CDH18: variants seen among roughly 807,000 people sequenced by gnomAD.
The protein encoded by CDH18 is cadherin 18.
In CDH18, 31 loss-of-function variants were observed where a neutral mutation model predicts 67.9. The ratio of observed to expected loss-of-function variants is 0.46; its 90% CI spans 0.34 to 0.62. The LOEUF is 0.62. CDH18 is among the 20% of genes least tolerant of loss of function. CDH18 has a pLI of 0.01. For synonymous variants in CDH18, 362 were observed against 347.2 expected, an observed-to-expected ratio of 1.04 and a Z score of -0.48; for missense variants, 890 against 975.5, an observed-to-expected ratio of 0.91 and a Z score of 1.17.
intron 11 of CDH18, among the ~76,000 whole-genome samples, chr5:19,499,478 A>C: frequency 6.6e-6 from 1 of 152,160 alleles, no homozygotes; most frequent in Non-Finnish European, 1.5e-5. Context: ...TATATCATTA[A>C]ATTTCTACAT....
At chr5:20,523,601 C>T (rs12186433) in intron 1 of CDH18, among the ~76,000 whole-genome samples, 26,943 of 152,054 alleles carry the variant, frequency 0.18, 2,893 homozygotes, top group East Asian at 0.39. Context: ...AGTGCAATGA[C>T]GCGATCTCCA....
intron 3 of CDH18, among the ~76,000 whole-genome samples, chr5:19,824,307 A>G (rs1354068512): frequency 6.6e-6 from 1 of 152,196 alleles, no homozygotes; most frequent in Non-Finnish European, 1.5e-5. Flanking sequence ...TCAAGGCAGC[A>G]AAGTGACACA....
chr5:19,510,333 C>T (rs1480164974), intron 10 of CDH18, among the ~76,000 whole-genome samples: 1 of 152,094 alleles, frequency 6.6e-6, no homozygotes, highest in Non-Finnish European at 1.5e-5. Context: ...AGCACATACA[C>T]TGGTAATGAT....
chr5:19,937,634 A>C (rs544872387), intron 2 of CDH18, among the ~76,000 whole-genome samples: 1 of 151,490 alleles, frequency 6.6e-6, no homozygotes, highest in East Asian at 1.9e-4. Context: ...CAAAGAAAGT[A>C]TAACCGAACA....
intron 2 of CDH18, among the ~76,000 whole-genome samples, chr5:19,841,197 AT>A (rs1197205004): frequency 3.9e-5 from 6 of 152,192 alleles, no homozygotes; most frequent in Non-Finnish European, 8.8e-5. Flanking sequence ...CACTTTTATC[AT>A]TTGACAAATA....
chr5:19,928,076 C>T (rs1014464550), intron 2 of CDH18, among the ~76,000 whole-genome samples: 1 of 152,162 alleles, frequency 6.6e-6, no homozygotes, highest in African/African-American at 2.4e-5. Flanking sequence ...AGGGCTCCGT[C>T]CTGATTCATT....
chr5:20,366,848 T>C lies in CDH18; in HGVS notation c.-579-111343A>G, dbSNP rs542477785. Among the ~76,000 whole-genome samples the C allele has an allele frequency of 2.4e-4, 36 of 152,208 alleles. No homozygotes were observed. In the East Asian group the frequency reaches 3.3e-3, roughly 14 times the overall value. On this transcript the variant is annotated intron_variant, in intron 1 of 14. Transcript: ENST00000507958. Reference sequence around the variant, plus strand: ...ATGTAGTTTAGCAAGCTGGGCAGGATGGCTCCTCCTTCCCCCGGGATGATT... The same window carrying C: ...ATGTAGTTTAGCAAGCTGGGCAGGACGGCTCCTCCTTCCCCCGGGATGATT...
In CDH18 at chr5:19,838,997, C is replaced by T; in HGVS notation, c.-11G>A. The stretch of plus-strand genomic sequence containing the variant: ...GCTAGTAATTTTCATTGTAAGATAA[C>T]TTTCCAGTTCACAGTTTTCCTTCCT... On this transcript the variant is annotated 5_prime_UTR_variant, in exon 3 of 13. Coordinates refer to ENST00000382275, the MANE Select transcript of CDH18 (RefSeq NM_004934.5). The T allele has an allele frequency of 6.2e-7, 1 of 1,600,792 alleles. No homozygotes were observed. Among genetic ancestry groups the T allele is most frequent in the Non-Finnish European group, 8.6e-7 (1 of 1,168,090 alleles).
At chr5:20,373,264 G>A (rs567017116) in intron 1 of CDH18, among the ~76,000 whole-genome samples, 83 of 152,214 alleles carry the variant, frequency 5.5e-4, no homozygotes, top group African/African-American at 2.0e-3. Flanking sequence ...CTATGTCACA[G>A]ACCCTAACTC....
At chr5:20,450,591 A>G (rs1329747757) in intron 1 of CDH18, among the ~76,000 whole-genome samples, 2 of 152,158 alleles carry the variant, frequency 1.3e-5, no homozygotes, top group East Asian at 3.9e-4. Flanking sequence ...CCCACACCAC[A>G]CAGACACACA....
chr5:20,412,539 A>G (rs1746876453), intron 1 of CDH18, among the ~76,000 whole-genome samples: 3 of 152,250 alleles, frequency 2.0e-5, no homozygotes, highest in Non-Finnish European at 1.5e-5. Context: ...CTGCATAACA[A>G]GAGAAACAGT....
chr5:19,551,803 A>G (rs1254363461), intron 8 of CDH18, among the ~76,000 whole-genome samples: 2 of 152,212 alleles, frequency 1.3e-5, no homozygotes, highest in Non-Finnish European at 2.9e-5. Context: ...GAGTCTCTAT[A>G]TAAATAGCCA....
chr5:19,811,187 G>A (rs1458892200), intron 3 of CDH18, among the ~76,000 whole-genome samples: 1 of 148,448 alleles, frequency 6.7e-6, no homozygotes, highest in African/African-American at 2.5e-5. Flanking sequence ...AAGAAAGAGG[G>A]AGAGAAAGAA....
At chr5:19,723,517 T>C (rs1330448855) in intron 4 of CDH18, among the ~76,000 whole-genome samples, 2 of 152,192 alleles carry the variant, frequency 1.3e-5, no homozygotes, top group African/African-American at 2.4e-5. Flanking sequence ...ATGAGAGCTG[T>C]GTTATGTCTA....
intron 1 of CDH18, among the ~76,000 whole-genome samples, chr5:20,442,543 A>G (rs1231684597): frequency 2.0e-5 from 3 of 152,036 alleles, no homozygotes; most frequent in East Asian, 1.9e-4. Context: ...GAGAGGCTCA[A>G]TTATGTAGAA....
intron 2 of CDH18, among the ~76,000 whole-genome samples, chr5:19,844,475 G>A (rs984896269): frequency 6.6e-6 from 1 of 152,090 alleles, no homozygotes; most frequent in South Asian, 2.1e-4. Flanking sequence ...GTTTCCTGAG[G>A]CCTCCTTAGC....
intron 1 of CDH18, among the ~76,000 whole-genome samples, chr5:20,368,766 C>A (rs898660568): frequency 6.6e-6 from 1 of 152,086 alleles, no homozygotes. Context: ...GTGCCAACAG[C>A]AAGAGCACAT....
chr5:20,178,181 G>T (rs7730162), intron 2 of CDH18, among the ~76,000 whole-genome samples: 5,770 of 152,114 alleles, frequency 0.038, 333 homozygotes, highest in East Asian at 0.28. Context: ...TAAAACATGG[G>T]TGCTTCTCGG....
chr5:19,862,162 G>A (rs76981986), intron 2 of CDH18, among the ~76,000 whole-genome samples: 3,388 of 152,196 alleles, frequency 0.022, 137 homozygotes, highest in African/African-American at 0.078. Flanking sequence ...AATCTAATAA[G>A]TTGAGAGTAA....
Sources: gnomAD v4.1 joint callset for allele counts (sites outside exome capture counted in the v4.1 genomes callset) on GRCh38, gnomAD v4.1.1 for gene constraint, MANE v1.5 for transcripts, NCBI Gene and HGNC (gene_info 2026-07-23, HGNC 2026-07-21) for gene names.